Variants in MAGOH observed in about 807,000 individuals in gnomAD.
MAGOH encodes the protein protein mago nashi homolog.
Under a neutral mutation model 20.9 loss-of-function variants are expected in MAGOH, and 3 were observed. That is an observed-to-expected ratio of 0.14 (90% confidence interval 0.07 to 0.37). MAGOH has a LOEUF of 0.37. Among genes scored for constraint, MAGOH ranks in the 10% least tolerant of loss-of-function variants. The probability of loss-of-function intolerance (pLI) is 1.00; values close to 1 mark genes in which losing one functional copy is unlikely to be tolerated. For synonymous variants in MAGOH, 51 were observed against 61.0 expected (o/e 0.84, Z 0.76); for missense variants, 66 against 178.1 (o/e 0.37, Z 3.58).
Position 53,227,298 on chromosome 1 carries a change from A to G in MAGOH, c.342-154T>C, listed in dbSNP as rs144847708. ...GGGAAATGCTTACATTAAGTGAAAA[A>G]ATATAATTAAAATAACAATTATTAA... On this transcript the variant is annotated intron_variant, in intron 4 of 4. Transcript: ENST00000371470. Among the ~76,000 whole-genome samples the G allele has an allele frequency of 2.0e-5, 3 of 152,306 alleles. No homozygotes were observed. In the East Asian group the frequency reaches 5.8e-4, roughly 29 times the overall value.
At position 53,238,479 on chromosome 1, in the gene MAGOH, C is replaced by T. The variant is rs762660187; in HGVS notation, c.-31G>A. On this transcript the variant is annotated 5_prime_UTR_variant, in exon 1 of 5. Coordinates refer to ENST00000371470, the MANE Select transcript of MAGOH (RefSeq NM_002370.4). ...CCAAAAGACAACCGAGCCTGAACTT[C>T]CAAGAGCAAGCCGCACTGCCGCCGT... 1 of 1,599,146 alleles carries T rather than the reference C, an allele frequency of 6.3e-7. No individual in the cohort carries two copies. Among genetic ancestry groups the T allele is most frequent in the Non-Finnish European group, 8.6e-7 (1 of 1,166,348 alleles).
At chr1:53,227,273 G>A in intron 4 of MAGOH, 129 bp from the exon 5 acceptor site, 2 of 482,260 alleles carry the variant, frequency 4.1e-6, no homozygotes, top group African/African-American at 2.0e-5. Flanking sequence ...TTTTAATATA[G>A]GGAAATGCTT....
chr1:53,237,007 G>A (rs1339046070), intron 1 of MAGOH, among the ~76,000 whole-genome samples: 1 of 145,170 alleles, frequency 6.9e-6, no homozygotes, highest in Non-Finnish European at 1.5e-5. Flanking sequence ...CTGGGGTACA[G>A]TGGCACTATC....
At chr1:53,231,783 T>G (rs1351086345) in intron 3 of MAGOH, among the ~76,000 whole-genome samples, 4 of 152,210 alleles carry the variant, frequency 2.6e-5, no homozygotes, top group Admixed American at 1.3e-4. Context: ...ATGCTCATTC[T>G]ATTTGATTCT....
At chr1:53,232,191 TAAG>T (rs2100304550) in intron 3 of MAGOH, among the ~76,000 whole-genome samples, 1 of 152,292 alleles carries the variant, frequency 6.6e-6, no homozygotes, top group South Asian at 2.1e-4. Flanking sequence ...TTAACTTTAG[TAAG>T]TACTGAGGGT....
Position 53,238,327 on chromosome 1 carries a change from T to C in MAGOH, c.88+34A>G, listed in dbSNP as rs773677194. The C allele has an allele frequency of 3.7e-6, 6 of 1,609,078 alleles. No individual in the cohort carries two copies. In the African/African-American group the frequency reaches 6.7e-5, roughly 18 times the overall value. ...CCCACTCGCCGGCCCCCAGGCCTGG[T>C]CCCCGCTCCCGGCGGGCGGCAGGCT... On this transcript the variant is annotated intron_variant, in intron 1 of 4. Transcript: ENST00000371470.
chr1:53,228,009 G>A (rs1325361987), intron 4 of MAGOH, among the ~76,000 whole-genome samples: 1 of 152,186 alleles, frequency 6.6e-6, no homozygotes. Context: ...AAGAGCCAAA[G>A]AAGTTGCCAA....
chr1:53,226,951 A>G lies in MAGOH; in HGVS notation c.*94T>C. The G allele has an allele frequency of 1.5e-6, 1 of 656,700 alleles. No individual in the cohort carries two copies. Among genetic ancestry groups the G allele is most frequent in the South Asian group, 2.0e-5 (1 of 50,666 alleles). 40.7% of individuals were successfully genotyped at this position (656,700 alleles called of 1,614,324 possible). On this transcript the variant is annotated 3_prime_UTR_variant, in exon 5 of 5. Coordinates refer to ENST00000371470, the MANE Select transcript of MAGOH (RefSeq NM_002370.4). The stretch of plus-strand genomic sequence containing the variant: ...TTGGATTTTATCACATATTTATTAA[A>G]GACAATCATTTATAGTTCATAAAAA...
At chr1:53,231,004 T>G (rs1645583629) in intron 3 of MAGOH, among the ~76,000 whole-genome samples, 1 of 152,248 alleles carries the variant, frequency 6.6e-6, no homozygotes, top group Non-Finnish European at 1.5e-5. Context: ...TTCCTAGTAT[T>G]TTAAATGCTG....
At chr1:53,237,826 C>A (rs745340854) in intron 1 of MAGOH, among the ~76,000 whole-genome samples, 4 of 152,084 alleles carry the variant, frequency 2.6e-5, no homozygotes, top group Non-Finnish European at 5.9e-5. Context: ...ACCTGAGACA[C>A]GCCTAGCTCA....
chr1:53,235,494 CT>C, intron 2 of MAGOH, 82 bp downstream of exon 2: 1 of 1,159,044 alleles, frequency 8.6e-7, no homozygotes, highest in Non-Finnish European at 1.3e-6. Flanking sequence ...TCTTTCAATA[CT>C]ACTAGAAACA....
intron 1 of MAGOH, among the ~76,000 whole-genome samples, chr1:53,237,286 C>T (rs1645616554): frequency 1.3e-5 from 2 of 151,814 alleles, no homozygotes; most frequent in African/African-American, 4.8e-5. Context: ...GCAACAGTCT[C>T]CTAATCAATA....
chr1:53,230,632 T>C (rs1389918842), intron 3 of MAGOH, among the ~76,000 whole-genome samples: 4 of 152,024 alleles, frequency 2.6e-5, no homozygotes, highest in African/African-American at 9.7e-5. Context: ...GGTCTCACTG[T>C]GCTCAGGCTG....
intron 3 of MAGOH, 111 bp from the exon 4 acceptor site, chr1:53,229,065 A>G (rs1047785554): frequency 1.7e-5 from 12 of 707,832 alleles, no homozygotes; most frequent in African/African-American, 8.8e-5. Context: ...ATGGCCACAA[A>G]AACAAGGGCA....
chr1:53,228,075 C>T (rs958706127), intron 4 of MAGOH, among the ~76,000 whole-genome samples: 2 of 152,158 alleles, frequency 1.3e-5, no homozygotes, highest in Non-Finnish European at 2.9e-5. Context: ...TAATCTGCCC[C>T]ACTGACAACA....
chr1:53,231,389 TA>T (rs986407447), intron 3 of MAGOH, among the ~76,000 whole-genome samples: 46 of 152,340 alleles, frequency 3.0e-4, no homozygotes, highest in African/African-American at 1.1e-3. Flanking sequence ...ACCTAAGTTG[TA>T]AAGAAGTCAA....
chr1:53,237,624 A>C (rs551397267), intron 1 of MAGOH, among the ~76,000 whole-genome samples: 1 of 143,986 alleles, frequency 6.9e-6, no homozygotes, highest in South Asian at 2.3e-4. Flanking sequence ...CAATAAGCCG[A>C]GATCGCGCCA....
At chr1:53,237,935 G>A (rs1245653315) in intron 1 of MAGOH, among the ~76,000 whole-genome samples, 6 of 152,018 alleles carry the variant, frequency 3.9e-5, no homozygotes, top group Non-Finnish European at 7.4e-5. Context: ...ATTAGGACTC[G>A]GCTGCAATAT....
chr1:53,233,381 T>G (rs1480801073), intron 3 of MAGOH, 161 bp downstream of exon 3: 10 of 534,226 alleles, frequency 1.9e-5, no homozygotes, highest in Non-Finnish European at 2.7e-5. Context: ...TTTCATTAGA[T>G]TGTTGAAATA....
Sources: gnomAD v4.1 joint callset for allele counts (sites outside exome capture counted in the v4.1 genomes callset) on GRCh38, gnomAD v4.1.1 for gene constraint, MANE v1.5 for transcripts, NCBI Gene and HGNC (gene_info 2026-07-23, HGNC 2026-07-21) for gene names.